VCL: variants seen among roughly 807,000 people sequenced by gnomAD.
VCL encodes epididymis luminal protein 114.
In VCL, 47 loss-of-function variants were observed where a neutral mutation model predicts 125.7. That is an observed-to-expected ratio of 0.37 (90% CI 0.30 to 0.48). VCL has a LOEUF of 0.48. Ranked by LOEUF, VCL falls within the 20% of genes least tolerant of loss-of-function variation. The pLI, the probability that VCL is intolerant of heterozygous loss-of-function variation, is 0.99. For missense variants in VCL, 1,069 were observed against 1,455.5 expected, an observed-to-expected ratio of 0.73 and a Z score of 4.32; for synonymous variants, 458 against 514.6, an observed-to-expected ratio of 0.89 and a Z score of 1.49.
At chr10:74,076,467 CCT>C (rs1405031394) in intron 6 of VCL, 3 of 152,604 alleles carry the variant, frequency 2.0e-5, no homozygotes, top group African/African-American at 7.2e-5. Context: ...CTGGGAGACC[CCT>C]GAGTTACCTG....
intron 2 of VCL, among the ~76,000 whole-genome samples, chr10:74,063,005 G>A (rs1230909206): frequency 6.6e-6 from 1 of 152,122 alleles, no homozygotes; most frequent in Admixed American, 6.5e-5. Flanking sequence ...AAGAGGTGGA[G>A]GTTGCTTTGA....
chr10:74,014,786 C>G (rs1189280808), intron 1 of VCL, among the ~76,000 whole-genome samples: 1 of 152,152 alleles, frequency 6.6e-6, no homozygotes, highest in Non-Finnish European at 1.5e-5. Flanking sequence ...CCTCCACCTC[C>G]CAGGCTCAAG....
At chr10:74,101,914 G>A (rs968022834) in intron 14 of VCL, among the ~76,000 whole-genome samples, 16 of 146,720 alleles carry the variant, frequency 1.1e-4, no homozygotes, top group Non-Finnish European at 6.0e-5. Context: ...CACCCAGGCT[G>A]GAGTCCAATG....
At chr10:74,091,021 A>T (rs1357977627) in intron 10 of VCL, among the ~76,000 whole-genome samples, 1 of 152,004 alleles carries the variant, frequency 6.6e-6, no homozygotes, top group Non-Finnish European at 1.5e-5. Flanking sequence ...GGCTGGTCTC[A>T]AACTCAAGGG....
intron 1 of VCL, among the ~76,000 whole-genome samples, chr10:74,008,721 A>G (rs1227546788): frequency 6.6e-6 from 1 of 152,222 alleles, no homozygotes; most frequent in African/African-American, 2.4e-5. Context: ...ATTTTTACAT[A>G]ATAAACCAGC....
rs1435789595 is a variant in VCL, at chr10:74,118,078, CTG to C, written c.3317_3318del (p.Val1106AlafsTer4). On this transcript the variant is annotated frameshift_variant, in exon 22 of 22. Coordinates refer to ENST00000211998, the MANE Select transcript of VCL (RefSeq NM_014000.3). LOFTEE classifies it high-confidence loss of function. ...AACCTCATGCAGTCTGTGAAGGAGA[CTG>C]TGCGGGAAGCTGAAGCTGCTTCAAT... 6.2e-7 allele frequency: 1 copy of C among 1,614,142 alleles called. No homozygotes were observed. The highest frequency in any genetic ancestry group is 8.5e-7 in the Non-Finnish European group (1 of 1,180,024).
At chr10:74,017,557 C>CTTTT (rs956763044) in intron 1 of VCL, among the ~76,000 whole-genome samples, 1 of 94,254 alleles carries the variant, frequency 1.1e-5, no homozygotes, top group African/African-American at 4.2e-5. Context: ...TTCTTTCTTT[C>CTTTT]TTTTTTTTTT....
At chr10:74,029,857 A>T (rs1840842672) in intron 1 of VCL, among the ~76,000 whole-genome samples, 1 of 151,952 alleles carries the variant, frequency 6.6e-6, no homozygotes, top group Non-Finnish European at 1.5e-5. Context: ...TAGTTGATTT[A>T]AAAAAAATAC....
intron 2 of VCL, among the ~76,000 whole-genome samples, chr10:74,045,507 C>T (rs1460004668): frequency 6.6e-6 from 1 of 151,646 alleles, no homozygotes; most frequent in Non-Finnish European, 1.5e-5. Flanking sequence ...CTTGTAATCC[C>T]AGCTACTTGG....
intron 1 of VCL, among the ~76,000 whole-genome samples, chr10:74,036,212 GTTTT>G (rs895576966): frequency 2.0e-5 from 3 of 151,666 alleles, no homozygotes; most frequent in Non-Finnish European, 4.4e-5. Context: ...TTTGTTTTTT[GTTTT>G]TTTTAGACGG....
intron 8 of VCL, among the ~76,000 whole-genome samples, chr10:74,086,645 A>G (rs1839780367): frequency 6.6e-6 from 1 of 152,250 alleles, no homozygotes; most frequent in Non-Finnish European, 1.5e-5. Flanking sequence ...GTTTAGAGAA[A>G]GATGAGTATG....
At chr10:74,021,380 C>T (rs1261504717) in intron 1 of VCL, among the ~76,000 whole-genome samples, 2 of 151,862 alleles carry the variant, frequency 1.3e-5, no homozygotes, top group Non-Finnish European at 2.9e-5. Flanking sequence ...GCATTTTCAG[C>T]ACTGCAGTTT....
At chr10:74,099,687 G>A (rs1309557699) in intron 13 of VCL, among the ~76,000 whole-genome samples, 1 of 152,214 alleles carries the variant, frequency 6.6e-6, no homozygotes, top group Non-Finnish European at 1.5e-5. Context: ...AGGAGCAGCA[G>A]TCATGGTCTG....
chr10:74,111,873 T>C lies in VCL; in HGVS notation c.2746-36T>C, dbSNP rs757769188. 11 of 1,613,100 alleles carry C rather than the reference T, an allele frequency of 6.8e-6. No homozygotes were observed. The East Asian group carries it at 2.2e-4, about 33-fold the overall frequency. ...CAAGTCGTATTGCTCTTACTAACAC[T>C]ATCCCTATTTCTCATCCTTCCCGCC... On this transcript the variant is annotated intron_variant, in intron 18 of 21. Transcript: ENST00000211998.
chr10:74,090,083 G>A lies in VCL; in HGVS notation c.1237G>A (p.Ala413Thr), dbSNP rs146278697. The A allele has an allele frequency of 5.7e-4, 928 of 1,614,160 alleles. 2 individuals are homozygous for A. Among genetic ancestry groups the A allele is most frequent in the Non-Finnish European group, 7.3e-4 (864 of 1,180,034 alleles). ...EGEEQIRGAL[A>T]EARKIAELCD... ...AGAAGAGCAGATTCGAGGTGCTTTGGCTGAAGCTCGGAAAATAGCAGAATT... is the reference window on the plus strand; with the variant it reads ...AGAAGAGCAGATTCGAGGTGCTTTGACTGAAGCTCGGAAAATAGCAGAATT... Residue 413 changes from alanine to threonine, a missense_variant, in exon 10 of 22, where the codon GCT (alanine) becomes ACT (threonine). Coordinates refer to ENST00000211998, the MANE Select transcript of VCL (RefSeq NM_014000.3).
intron 6 of VCL, among the ~76,000 whole-genome samples, chr10:74,081,322 T>C (rs1426275095): frequency 6.6e-6 from 1 of 152,172 alleles, no homozygotes; most frequent in Non-Finnish European, 1.5e-5. Context: ...AGCCTAACTA[T>C]GGGTGCTGCC....
At chr10:74,010,843 A>C (rs900823774) in intron 1 of VCL, among the ~76,000 whole-genome samples, 5 of 152,192 alleles carry the variant, frequency 3.3e-5, no homozygotes, top group African/African-American at 1.2e-4. Context: ...AATGAGCCTC[A>C]TCCTGAAAGA....
chr10:74,064,233 G>A (rs1841527796), intron 2 of VCL, among the ~76,000 whole-genome samples: 1 of 152,070 alleles, frequency 6.6e-6, no homozygotes, highest in South Asian at 2.1e-4. Flanking sequence ...AGATGCATAG[G>A]GCAAGATATG....
intron 19 of VCL, 31 bp downstream of exon 19, chr10:74,112,143 C>T: frequency 6.2e-7 from 1 of 1,613,188 alleles, no homozygotes; most frequent in Non-Finnish European, 8.5e-7. Context: ...TTGGGGGCTG[C>T]TCCATATGCA....
Sources: allele counts gnomAD v4.1 joint callset (sites outside exome capture counted in the v4.1 genomes callset), GRCh38; gene constraint gnomAD v4.1.1; transcripts MANE v1.5; gene names NCBI Gene and HGNC (gene_info 2026-07-23, HGNC 2026-07-21).